LRP1B: variants seen among roughly 807,000 people sequenced by gnomAD.
LRP1B encodes LDL receptor related protein 1B.
Under a neutral mutation model 556.6 loss-of-function variants are expected in LRP1B, and 217 were observed. That is an observed-to-expected ratio of 0.39 (90% CI 0.35 to 0.44). The LOEUF (loss-of-function observed/expected upper bound fraction) is 0.44, where lower values mean the gene tolerates loss of function less well. LRP1B is among the 20% of genes least tolerant of loss of function. The pLI is 1.00. For missense variants in LRP1B, 5,053 were observed against 5,620.8 expected (o/e 0.90, Z 3.23); for synonymous variants, 2,047 against 1,865.8 (o/e 1.10, Z -2.50).
intron 11 of LRP1B, among the ~76,000 whole-genome samples, chr2:141,047,793 C>A (rs1410905211): frequency 6.6e-6 from 1 of 152,020 alleles, no homozygotes; most frequent in Non-Finnish European, 1.5e-5. Context: ...AGAGATTGTG[C>A]TTTTCTTTTT....
intron 2 of LRP1B, among the ~76,000 whole-genome samples, chr2:141,556,461 G>A (rs1360405653): frequency 6.6e-6 from 1 of 151,852 alleles, no homozygotes; most frequent in Non-Finnish European, 1.5e-5. Context: ...TCCAAAAGTG[G>A]TACATTCACC....
chr2:140,745,157 T>C (rs1688274429), intron 35 of LRP1B, among the ~76,000 whole-genome samples: 1 of 152,152 alleles, frequency 6.6e-6, no homozygotes, highest in Non-Finnish European at 1.5e-5. Context: ...ATGCAAATGT[T>C]GTAGCCCTAA....
chr2:140,282,248 T>C (rs961204712), intron 84 of LRP1B, among the ~76,000 whole-genome samples: 1 of 151,796 alleles, frequency 6.6e-6, no homozygotes, highest in Non-Finnish European at 1.5e-5. Context: ...AAATGATAAT[T>C]ACGATGTTGA....
intron 57 of LRP1B, among the ~76,000 whole-genome samples, chr2:140,492,231 G>A (rs747753963): frequency 1.3e-4 from 20 of 152,222 alleles, no homozygotes; most frequent in Non-Finnish European, 2.4e-4. Context: ...AAAAGCAGTG[G>A]AGGAATCTAT....
chr2:141,810,109 AAGAAAAAG>A (rs1696294688), intron 2 of LRP1B, among the ~76,000 whole-genome samples, 162 bp downstream of exon 2: 1 of 130,914 alleles, frequency 7.6e-6, no homozygotes, highest in African/African-American at 2.7e-5. Context: ...GAAAGAAAGA[AAGAAAAAG>A]AAAGAAAGAA....
At chr2:140,303,647 T>C (rs1405241597) in intron 83 of LRP1B, among the ~76,000 whole-genome samples, 1 of 152,066 alleles carries the variant, frequency 6.6e-6, no homozygotes, top group South Asian at 2.1e-4. Context: ...ATAAAAAATA[T>C]TATTTTTTAA....
intron 7 of LRP1B, among the ~76,000 whole-genome samples, chr2:141,180,146 A>G (rs977901260): frequency 6.6e-6 from 1 of 151,646 alleles, no homozygotes; most frequent in Non-Finnish European, 1.5e-5. Context: ...TGTTGTTTGG[A>G]ATGTTCTGGG....
chr2:140,278,143 TTATA>T (rs1682762388), intron 84 of LRP1B, among the ~76,000 whole-genome samples: 6 of 151,858 alleles, frequency 4.0e-5, no homozygotes, highest in Non-Finnish European at 7.4e-5. Context: ...ATTTTTATAT[TTATA>T]TAAGGTTCAA....
chr2:140,696,714 C>G (rs558194396), intron 41 of LRP1B, among the ~76,000 whole-genome samples: 1 of 152,174 alleles, frequency 6.6e-6, no homozygotes, highest in Admixed American at 6.5e-5. Context: ...AGCGCAAACC[C>G]TATTATGAGG....
intron 3 of LRP1B, among the ~76,000 whole-genome samples, chr2:141,390,219 A>C (rs1689997385): frequency 6.6e-6 from 1 of 152,156 alleles, no homozygotes; most frequent in African/African-American, 2.4e-5. Context: ...TCATAAGAAA[A>C]ATGCAAATCA....
chr2:140,881,409 T>C (rs1483651661), intron 25 of LRP1B, among the ~76,000 whole-genome samples: 1 of 152,100 alleles, frequency 6.6e-6, no homozygotes, highest in Non-Finnish European at 1.5e-5. Flanking sequence ...CATTACATTA[T>C]TAAATCTAAA....
chr2:141,150,866 G>GGGGTGTGT (rs1701903898), intron 7 of LRP1B, among the ~76,000 whole-genome samples: 1 of 45,818 alleles, frequency 2.2e-5, no homozygotes, highest in Non-Finnish European at 7.2e-5. Flanking sequence ...TTGTCATGCT[G>GGGGTGTGT]GTTTGTGTGT....
At chr2:140,486,263 G>T (rs1195841450) in intron 58 of LRP1B, among the ~76,000 whole-genome samples, 1 of 151,826 alleles carries the variant, frequency 6.6e-6, no homozygotes. Flanking sequence ...ACAAGAAAAT[G>T]CCAATAAAAT....
chr2:141,745,709 A>C (rs1693890087), intron 2 of LRP1B, among the ~76,000 whole-genome samples: 1 of 151,836 alleles, frequency 6.6e-6, no homozygotes, highest in African/African-American at 2.4e-5. Flanking sequence ...GTACAAGGCA[A>C]ATACTGCTTT....
chr2:140,684,949 C>T (rs537277237), intron 41 of LRP1B, among the ~76,000 whole-genome samples: 1 of 152,230 alleles, frequency 6.6e-6, no homozygotes, highest in East Asian at 1.9e-4. Context: ...CATCTCTACC[C>T]CCTTATTTTT....
chr2:140,502,855 C>G, intron 54 of LRP1B, 108 bp downstream of exon 54: 1 of 1,082,426 alleles, frequency 9.2e-7, no homozygotes, highest in Non-Finnish European at 1.3e-6. Context: ...ACATCACATG[C>G]TTAATAATTT....
At chr2:141,761,768 A>C (rs1389667222) in intron 2 of LRP1B, among the ~76,000 whole-genome samples, 1 of 152,212 alleles carries the variant, frequency 6.6e-6, no homozygotes, top group African/African-American at 2.4e-5. Flanking sequence ...CAAAAAGATA[A>C]GATATCATCA....
intron 1 of LRP1B, among the ~76,000 whole-genome samples, chr2:142,022,378 C>G (rs1703356586): frequency 6.7e-6 from 1 of 149,494 alleles, no homozygotes; most frequent in African/African-American, 2.5e-5. Context: ...ATTTGAAACA[C>G]TTTATTATTA....
At chr2:141,206,747 G>A (rs1294912375) in intron 6 of LRP1B, among the ~76,000 whole-genome samples, 2 of 152,050 alleles carry the variant, frequency 1.3e-5, no homozygotes, top group Non-Finnish European at 2.9e-5. Flanking sequence ...TTGTAACTAA[G>A]GTTCTGCATG....
Sources: gnomAD v4.1 joint callset for allele counts (sites outside exome capture counted in the v4.1 genomes callset) on GRCh38, gnomAD v4.1.1 for gene constraint, MANE v1.5 for transcripts, NCBI Gene and HGNC (gene_info 2026-07-23, HGNC 2026-07-21) for gene names.